Variants in ZNF326 observed in about 807,000 individuals in gnomAD.
ZNF326 encodes zinc finger protein 326, also known as DBIRD complex subunit ZNF326.
A neutral mutation model predicts 63.1 loss-of-function variants in ZNF326; 30 were observed. The observed-to-expected ratio is 0.48, with a 90% CI of 0.36 to 0.64. The LOEUF (loss-of-function observed/expected upper bound fraction) is 0.64. Among genes scored for constraint, ZNF326 ranks in the 30% least tolerant of loss-of-function variants. The pLI, the probability that ZNF326 is intolerant of heterozygous loss-of-function variation, is 0.00. For missense variants in ZNF326, 609 were observed against 720.3 expected, an observed-to-expected ratio of 0.85 and a Z score of 1.77; for synonymous variants, 194 against 228.2, an observed-to-expected ratio of 0.85 and a Z score of 1.35.
rs540988966 is a variant in ZNF326 at position 90,034,846 on chromosome 1, G to A, written c.*7145G>A. 3.9e-5 allele frequency: 6 copies of A among 152,188 alleles called. No individual in the cohort carries two copies. The highest frequency in any genetic ancestry group is 7.4e-5 in the Non-Finnish European group (5 of 67,978). The allele number at this position is 152,188 out of a possible 1,614,324, so 9.4% of individuals were successfully genotyped here. A position where few individuals can be genotyped will look rare whatever the true frequency, so the allele number is the denominator to read the frequency against. ...AGACCAGTCTCACTTACGAACAAATGTAATTTGTTGAAACTGGTCATGTTG... is the reference window on the plus strand; with the variant it reads ...AGACCAGTCTCACTTACGAACAAATATAATTTGTTGAAACTGGTCATGTTG... On this transcript the variant is annotated 3_prime_UTR_variant, in exon 12 of 12. Transcript: ENST00000340281.
intron 6 of ZNF326, among the ~76,000 whole-genome samples, chr1:90,012,723 T>C (rs945617532): frequency 3.0e-4 from 46 of 152,202 alleles, no homozygotes; most frequent in Admixed American, 2.7e-3. Flanking sequence ...CATCCAGGGC[T>C]CTGCAGTGTT....
In ZNF326 at chr1:90,018,802, A is replaced by T; in HGVS notation, c.1174+18A>T. 1 of 1,403,940 alleles carries T rather than the reference A, an allele frequency of 7.1e-7. No individual in the cohort carries two copies. Among genetic ancestry groups the T allele is most frequent in the Non-Finnish European group, 9.8e-7 (1 of 1,019,992 alleles). 87.0% of individuals were successfully genotyped at this position (1,403,940 alleles called of 1,614,324 possible). A position where few individuals can be genotyped will look rare whatever the true frequency, so the allele number is the denominator to read the frequency against. On this transcript the variant is annotated intron_variant, in intron 9 of 11. Transcript: ENST00000340281. ...TATGGAAGGTAAGTATTTAAAACAA[A>T]TTATTTTAAAATTCTACATGTATTT...
In ZNF326 at chr1:90,033,149, ACAGGCCTTC is replaced by A. The variant is rs1355834999; in HGVS notation, c.*5451_*5459del. On this transcript the variant is annotated 3_prime_UTR_variant, in exon 12 of 12. Transcript: ENST00000340281. The stretch of plus-strand genomic sequence containing the variant: ...TTTATTGGTTGGAAAACTGCTATCT[ACAGGCCTTC>A]CACTACCTATTTCTTAGTAGATTTT... 5.9e-5 allele frequency: 9 copies of A among 152,330 alleles called. No individual in the cohort carries two copies. In the South Asian group the frequency reaches 1.2e-3, roughly 21 times the overall value. The allele number at this position is 152,330 out of a possible 1,614,324, so 9.4% of individuals were successfully genotyped here. A position where few individuals can be genotyped will look rare whatever the true frequency, so the allele number is the denominator to read the frequency against.
At chr1:90,002,404 G>C (rs771671499) in intron 2 of ZNF326, among the ~76,000 whole-genome samples, 1 of 152,130 alleles carries the variant, frequency 6.6e-6, no homozygotes, top group Non-Finnish European at 1.5e-5. Context: ...ACTCAAAATA[G>C]AAACTAGCAG....
intron 7 of ZNF326, among the ~76,000 whole-genome samples, chr1:90,014,764 T>G (rs979637469): frequency 6.6e-6 from 1 of 152,188 alleles, no homozygotes; most frequent in African/African-American, 2.4e-5. Flanking sequence ...TTGTGAGTTC[T>G]CTGTCCCATT....
chr1:90,007,410 G>T lies in ZNF326; in HGVS notation c.275G>T (p.Gly92Val), dbSNP rs761205397. The change falls in exon 5 of 12, where the codon GGC (glycine) becomes GTC (valine). Residue 92 changes from glycine to valine, a missense_variant. Coordinates refer to ENST00000340281, the MANE Select transcript of ZNF326 (RefSeq NM_182976.4). This position sits in a 1 kb window ranked among gnomAD's most constrained non-coding sequence, Gnocchi z 4.9. Reference sequence around the variant, plus strand: ...GGTGGGCGAGATCTGTACAGATCTGGCTATGGTTTTAATGAACCCGAACAA... The same window carrying T: ...GGTGGGCGAGATCTGTACAGATCTGTCTATGGTTTTAATGAACCCGAACAA... ...SLGGRDLYRS[G>V]YGFNEPEQSR... 3.7e-6 allele frequency: 6 copies of T among 1,614,054 alleles called. No homozygotes were observed. The highest frequency in any genetic ancestry group is 5.1e-6 in the Non-Finnish European group (6 of 1,179,984).
At chr1:90,027,309 A>C in intron 11 of ZNF326, 45 bp from the exon 12 acceptor site, 1 of 1,575,280 alleles carries the variant, frequency 6.3e-7, no homozygotes, top group East Asian at 2.2e-5. Flanking sequence ...CAGATCATGT[A>C]ATAATGAATG....
intron 11 of ZNF326, among the ~76,000 whole-genome samples, chr1:90,026,209 C>A (rs1283672717): frequency 6.6e-6 from 1 of 152,132 alleles, no homozygotes; most frequent in Non-Finnish European, 1.5e-5. Flanking sequence ...GTGATCCACC[C>A]GCCTCAGCCT....
At chr1:90,013,424 G>A (rs896532437) in intron 7 of ZNF326, among the ~76,000 whole-genome samples, 187 bp downstream of exon 7, 2 of 152,134 alleles carry the variant, frequency 1.3e-5, no homozygotes, top group African/African-American at 4.8e-5. Flanking sequence ...AAGAAAAAAG[G>A]CATTCTATTC....
intron 7 of ZNF326, among the ~76,000 whole-genome samples, chr1:90,016,194 A>G (rs1649494520): frequency 6.6e-6 from 1 of 152,082 alleles, no homozygotes; most frequent in Admixed American, 6.5e-5. Context: ...GAGCGTTCTC[A>G]TCTCAATGTA....
intron 9 of ZNF326, among the ~76,000 whole-genome samples, chr1:90,020,175 C>T (rs928258139): frequency 3.3e-5 from 5 of 152,058 alleles, no homozygotes; most frequent in Admixed American, 3.3e-4. Flanking sequence ...TTCAGTGGCT[C>T]TTCATCCTCT....
rs564500262 is a variant in ZNF326 at position 90,034,124 on chromosome 1, T to G, written c.*6423T>G. 85 of 152,292 alleles carry G rather than the reference T, an allele frequency of 5.6e-4. No individual in the cohort carries two copies. The highest frequency in any genetic ancestry group is 3.4e-3 in the Middle Eastern group (1 of 294). 9.4% of individuals were successfully genotyped at this position (152,292 alleles called of 1,614,324 possible). A position where few individuals can be genotyped will look rare whatever the true frequency, so the allele number is the denominator to read the frequency against. On this transcript the variant is annotated 3_prime_UTR_variant, in exon 12 of 12. Transcript: ENST00000340281. ...TATAAGGGGAAAAGAATCACATTGG[T>G]CTCAGACTTGTCATCTGTTCGTTGG...
chr1:90,012,027 G>A (rs1649272999), intron 6 of ZNF326, among the ~76,000 whole-genome samples: 1 of 152,044 alleles, frequency 6.6e-6, no homozygotes, highest in African/African-American at 2.4e-5. Flanking sequence ...AGTAGAGATG[G>A]TTTCGCCATG....
At chr1:90,022,444 C>A in intron 11 of ZNF326, 99 bp downstream of exon 11, 1 of 848,994 alleles carries the variant, frequency 1.2e-6, no homozygotes, top group Admixed American at 2.4e-5. Context: ...TATAGTATAA[C>A]ATATTAAGAA....
At chr1:90,011,947 G>A (rs911728880) in intron 6 of ZNF326, among the ~76,000 whole-genome samples, 5 of 151,984 alleles carry the variant, frequency 3.3e-5, no homozygotes, top group African/African-American at 7.3e-5. Flanking sequence ...AGCGATTCTC[G>A]TTCCTCAGCC....
At chr1:90,006,172 A>G (rs1648975677) in intron 4 of ZNF326, 1 of 985,476 alleles carries the variant, frequency 1.0e-6, no homozygotes, top group Non-Finnish European at 1.2e-6. Context: ...AAATTAAGAA[A>G]GTGAACAGTT....
In ZNF326 at chr1:90,027,753, AAAG is replaced by A; in HGVS notation, c.*53_*55del. On this transcript the variant is annotated 3_prime_UTR_variant, in exon 12 of 12. Transcript: ENST00000340281. ...CTTTACATTTCGGTTCTAATGTAAA[AAAG>A]GGTAAGAAATTTAATAGCTTAAAAT... is the stretch of plus-strand genomic sequence containing the variant. The A allele has an allele frequency of 6.5e-7, 1 of 1,549,558 alleles. No homozygotes were observed. The highest frequency in any genetic ancestry group is 8.9e-7 in the Non-Finnish European group (1 of 1,129,050).
intron 11 of ZNF326, among the ~76,000 whole-genome samples, chr1:90,026,877 G>A (rs1050380778): frequency 1.3e-5 from 2 of 151,984 alleles, no homozygotes; most frequent in African/African-American, 2.4e-5. Flanking sequence ...TTTACTGAGA[G>A]GTTTGTCTAC....
chr1:89,997,845 C>G lies in ZNF326; in HGVS notation c.17-265C>G, dbSNP rs1648470524. On this transcript the variant is annotated intron_variant, in intron 1 of 11. Coordinates refer to ENST00000340281, the MANE Select transcript of ZNF326 (RefSeq NM_182976.4). The stretch of plus-strand genomic sequence containing the variant: ...ATCAGTGCTGAATCCCCTCTTTTGG[C>G]TGTTATTATGTATCAGGTGTTGTAA... Among the ~76,000 whole-genome samples the G allele has an allele frequency of 2.0e-5, 3 of 152,146 alleles. No individual in the cohort carries two copies. In the South Asian group the frequency reaches 6.2e-4, roughly 31 times the overall value.
Sources: gnomAD v4.1 joint callset for allele counts (sites outside exome capture counted in the v4.1 genomes callset) on GRCh38, gnomAD v4.1.1 for gene constraint, Gnocchi (gnomAD v3.1) non-coding constraint, MANE v1.5 for transcripts, NCBI Gene and HGNC (gene_info 2026-07-23, HGNC 2026-07-21) for gene names.